Variants in PCDHGA3 observed in about 807,000 individuals in gnomAD.
The protein encoded by PCDHGA3 is protocadherin gamma-A3.
Under a neutral mutation model 58.5 loss-of-function variants are expected in PCDHGA3, and 40 were observed. That is an observed-to-expected ratio of 0.68 (90% CI 0.53 to 0.89). The LOEUF (loss-of-function observed/expected upper bound fraction) is 0.89. Ranked by LOEUF, PCDHGA3 falls within the 40% of genes least tolerant of loss-of-function variation. The pLI, the probability that PCDHGA3 is intolerant of heterozygous loss-of-function variation, is 0.00. For synonymous variants in PCDHGA3, 530 were observed against 525.7 expected, an observed-to-expected ratio of 1.01 and a Z score of -0.11; for missense variants, 1,223 against 1,195.9, an observed-to-expected ratio of 1.02 and a Z score of -0.33.
intron 1 of PCDHGA3, chr5:141,412,306 A>G (rs1160364599): frequency 1.3e-5 from 2 of 152,238 alleles, no homozygotes; most frequent in Non-Finnish European, 2.9e-5. Flanking sequence ...TCTCATTACA[A>G]TGCAAACAGT....
intron 1 of PCDHGA3, among the ~76,000 whole-genome samples, chr5:141,462,382 C>T (rs80320684): frequency 0.016 from 2,433 of 152,148 alleles, 70 homozygotes; most frequent in African/African-American, 0.055. Flanking sequence ...CTTTTAAATT[C>T]GTTAACATTT....
At chr5:141,385,330 C>A (rs1183163204) in intron 1 of PCDHGA3, 1 of 1,583,780 alleles carries the variant, frequency 6.3e-7, no homozygotes, top group East Asian at 2.2e-5. Flanking sequence ...TCAGGTGAGC[C>A]CAGCCCTTCC....
At chr5:141,421,974 C>T in intron 1 of PCDHGA3, 3 of 1,609,644 alleles carry the variant, frequency 1.9e-6, no homozygotes, top group African/African-American at 1.3e-5. Flanking sequence ...CCGTATATCG[C>T]GTGAGTGTTC....
intron 1 of PCDHGA3, chr5:141,366,537 C>A (rs1163032115): frequency 6.2e-7 from 1 of 1,614,132 alleles, no homozygotes; most frequent in African/African-American, 1.3e-5. Context: ...GCGGGTGTGC[C>A]CGCCTCGCAC....
At chr5:141,459,302 A>T (rs1401348885) in intron 1 of PCDHGA3, among the ~76,000 whole-genome samples, 1 of 152,210 alleles carries the variant, frequency 6.6e-6, no homozygotes, top group African/African-American at 2.4e-5. Flanking sequence ...CCTATAACAT[A>T]TACTATTTTG....
intron 1 of PCDHGA3, chr5:141,407,951 A>C: frequency 1.7e-6 from 1 of 578,566 alleles, no homozygotes; most frequent in Non-Finnish European, 2.8e-6. Context: ...GCTGTCGGCC[A>C]GTGCAGAGCA....
Position 141,477,304 on chromosome 5 carries a change from T to C in PCDHGA3, c.2425-17503T>C. The C allele has an allele frequency of 6.2e-7, 1 of 1,614,160 alleles. No individual in the cohort carries two copies. Among genetic ancestry groups the C allele is most frequent in the Non-Finnish European group, 8.5e-7 (1 of 1,180,030 alleles). ...CCTGCGAAGTTCCACCGGGTCTCCCTTTCAGCCTTACTTCTTCCCTCAAGA... is the reference window on the plus strand; with the variant it reads ...CCTGCGAAGTTCCACCGGGTCTCCCCTTCAGCCTTACTTCTTCCCTCAAGA... On this transcript the variant is annotated intron_variant, in intron 1 of 3. Transcript: ENST00000253812. This position sits in a 1 kb window ranked among gnomAD's most constrained non-coding sequence, Gnocchi z 4.9.
chr5:141,509,873 G>C (rs2099878704), intron 3 of PCDHGA3, among the ~76,000 whole-genome samples: 1 of 152,196 alleles, frequency 6.6e-6, no homozygotes, highest in South Asian at 2.1e-4. Flanking sequence ...CAAGCTGCTG[G>C]TGGTGATGGT....
At position 141,432,135 on chromosome 5, in the gene PCDHGA3, C is replaced by T; in HGVS notation, c.2425-62672C>T. On this transcript the variant is annotated intron_variant, in intron 1 of 3. Transcript: ENST00000253812. This position sits in a 1 kb window ranked among gnomAD's most constrained non-coding sequence, Gnocchi z 6.0. ...GTCTTCCCTCAGGCCTCCTATTCCGCTTATATCCCAGAGAACAATCCCAGA... is the reference window on the plus strand; with the variant it reads ...GTCTTCCCTCAGGCCTCCTATTCCGTTTATATCCCAGAGAACAATCCCAGA... The T allele has an allele frequency of 6.2e-7, 1 of 1,614,140 alleles. No homozygotes were observed. Among genetic ancestry groups the T allele is most frequent in the Non-Finnish European group, 8.5e-7 (1 of 1,180,026 alleles).
chr5:141,345,853 G>A lies in PCDHGA3; in HGVS notation c.1820G>A (p.Arg607His), dbSNP rs1264864080. The A allele has an allele frequency of 1.6e-5, 26 of 1,613,182 alleles. No homozygotes were observed. The highest frequency in any genetic ancestry group is 4.0e-5 in the African/African-American group (3 of 74,870). ...DSGQNAWLSY[R>H]LLKASEPGLF... ...GGCCAGAACGCCTGGCTGTCCTACCGCCTGCTCAAGGCCAGCGAGCCGGGA... is the reference window on the plus strand; with the variant it reads ...GGCCAGAACGCCTGGCTGTCCTACCACCTGCTCAAGGCCAGCGAGCCGGGA... Residue 607 changes from arginine to histidine, a missense_variant, in exon 1 of 4, where the codon CGC (arginine) becomes CAC (histidine). Arg to His is a conservative substitution (Grantham distance 29). This residue lies in a region of PCDHGA3 where 107 missense variants were observed against 159.8 expected (regional missense o/e 0.67). Coordinates refer to ENST00000253812, the MANE Select transcript of PCDHGA3 (RefSeq NM_018916.4).
rs754972380 is a variant in PCDHGA3 at position 141,362,072 on chromosome 5, T to C, written c.2424+15615T>C. 9 of 1,612,630 alleles carry C rather than the reference T, an allele frequency of 5.6e-6. No individual in the cohort carries two copies. In the East Asian group the frequency reaches 1.3e-4, roughly 24 times the overall value. ...GCCCGCCAGCGCCTGCTGGTCGCTG[T>C]GCGTGATGGAGGACAGCCGCCACTC... On this transcript the variant is annotated intron_variant, in intron 1 of 3. Transcript: ENST00000253812.
chr5:141,418,707 G>T (rs2096282239), intron 1 of PCDHGA3: 1 of 1,614,016 alleles, frequency 6.2e-7, no homozygotes, highest in Non-Finnish European at 8.5e-7. Context: ...TCCTTCTTTG[G>T]TGTGGCTGAC....
intron 1 of PCDHGA3, chr5:141,351,597 C>T (rs1316640191): frequency 6.2e-7 from 1 of 1,614,084 alleles, no homozygotes; most frequent in Non-Finnish European, 8.5e-7. Context: ...GACAATGCAC[C>T]TGTTTTCCAT....
At chr5:141,497,245 G>T (rs779763574) in intron 2 of PCDHGA3, among the ~76,000 whole-genome samples, 2 of 152,138 alleles carry the variant, frequency 1.3e-5, no homozygotes, top group Non-Finnish European at 2.9e-5. Flanking sequence ...TCTAGGAGGA[G>T]GTGACATTGA....
chr5:141,420,415 T>G, intron 1 of PCDHGA3: 1 of 1,217,298 alleles, frequency 8.2e-7, no homozygotes, highest in Non-Finnish European at 1.1e-6. Flanking sequence ...TTATCATTAT[T>G]AAAACAAAAG....
At chr5:141,445,890 T>A (rs1435563284) in intron 1 of PCDHGA3, among the ~76,000 whole-genome samples, 1 of 152,210 alleles carries the variant, frequency 6.6e-6, no homozygotes, top group Non-Finnish European at 1.5e-5. Flanking sequence ...ACTTAGGAGC[T>A]ATTAAAATAT....
intron 1 of PCDHGA3, among the ~76,000 whole-genome samples, chr5:141,433,408 A>ATCT (rs1413347413): frequency 3.1e-3 from 395 of 127,344 alleles, no homozygotes; most frequent in African/African-American, 0.011. Context: ...TCTATCTATT[A>ATCT]CTTTCTTGTA....
intron 1 of PCDHGA3, chr5:141,413,152 G>C: frequency 1.3e-6 from 2 of 1,574,694 alleles, no homozygotes; most frequent in Non-Finnish European, 1.7e-6. Flanking sequence ...TGAGGACTTT[G>C]CAGAATTCTG....
At chr5:141,395,340 G>A in intron 1 of PCDHGA3, 2 of 1,419,480 alleles carry the variant, frequency 1.4e-6, no homozygotes, top group Non-Finnish European at 1.9e-6. Context: ...TAATTTTTAA[G>A]GTGTATCACA....
Sources: gnomAD v4.1 joint callset for allele counts (sites outside exome capture counted in the v4.1 genomes callset) on GRCh38, gnomAD v4.1.1 for gene constraint, gnomAD v4.1.1 regional missense constraint, Gnocchi (gnomAD v3.1) non-coding constraint, MANE v1.5 for transcripts, NCBI Gene and HGNC (gene_info 2026-07-23, HGNC 2026-07-21) for gene names.